The following NRG3 variants were observed in gnomAD, a reference collection of about 807,000 sequenced individuals.
NRG3 encodes pro-neuregulin-3, membrane-bound isoform.
Under a neutral mutation model 66.9 loss-of-function variants are expected in NRG3, and 31 were observed. The observed-to-expected ratio is 0.46, with a 90% CI of 0.35 to 0.63. The LOEUF (loss-of-function observed/expected upper bound fraction) is 0.63. NRG3 is among the 20% of genes least tolerant of loss of function. The pLI, the probability that NRG3 is intolerant of heterozygous loss-of-function variation, is 0.00. For synonymous variants in NRG3, 393 were observed against 359.4 expected (o/e 1.09, Z -1.06); for missense variants, 910 against 878.9 (o/e 1.04, Z -0.45).
chr10:81,999,673 C>T (rs2061086978), intron 1 of NRG3, among the ~76,000 whole-genome samples: 1 of 152,048 alleles, frequency 6.6e-6, no homozygotes, highest in Non-Finnish European at 1.5e-5. Flanking sequence ...AAATCAATTT[C>T]CTTTATGCCT....
chr10:82,211,311 G>C (rs999073215), intron 1 of NRG3, among the ~76,000 whole-genome samples: 3 of 152,098 alleles, frequency 2.0e-5, no homozygotes, highest in African/African-American at 7.2e-5. Context: ...ACAACATTGA[G>C]AATTTTGGTC....
At chr10:82,906,563 T>A (rs982215256) in intron 4 of NRG3, among the ~76,000 whole-genome samples, 1 of 152,170 alleles carries the variant, frequency 6.6e-6, no homozygotes, top group Non-Finnish European at 1.5e-5. Context: ...AAGTTATAAA[T>A]TTTGCCTATT....
intron 1 of NRG3, among the ~76,000 whole-genome samples, chr10:82,187,402 C>T (rs933055854): frequency 1.3e-5 from 2 of 152,102 alleles, no homozygotes; most frequent in Non-Finnish European, 2.9e-5. Context: ...TGATTTTTAA[C>T]AGTTATTTTA....
At chr10:82,354,991 G>A (rs949525093) in intron 1 of NRG3, among the ~76,000 whole-genome samples, 2 of 152,138 alleles carry the variant, frequency 1.3e-5, no homozygotes, top group Non-Finnish European at 2.9e-5. Context: ...TGTTTTGAAG[G>A]CAATAGCTCT....
intron 1 of NRG3, among the ~76,000 whole-genome samples, chr10:82,291,681 A>C (rs2079758154): frequency 6.6e-6 from 1 of 152,200 alleles, no homozygotes; most frequent in African/African-American, 2.4e-5. Context: ...ATTTTTGACA[A>C]AGGCACAAAA....
At chr10:82,939,538 C>T (rs1015992721) in intron 4 of NRG3, among the ~76,000 whole-genome samples, 1 of 152,018 alleles carries the variant, frequency 6.6e-6, no homozygotes, top group Non-Finnish European at 1.5e-5. Context: ...GTGGTGCAAT[C>T]TGCTCACTGC....
intron 1 of NRG3, among the ~76,000 whole-genome samples, chr10:82,150,066 C>T (rs907121303): frequency 6.6e-6 from 1 of 152,028 alleles, no homozygotes; most frequent in African/African-American, 2.4e-5. Context: ...CCTGCTGTTC[C>T]CATCAATCTA....
intron 1 of NRG3, among the ~76,000 whole-genome samples, chr10:82,040,071 T>C (rs1362432078): frequency 6.6e-6 from 1 of 152,120 alleles, no homozygotes; most frequent in African/African-American, 2.4e-5. Context: ...AGAACACTTG[T>C]TCTTTACATT....
intron 2 of NRG3, among the ~76,000 whole-genome samples, chr10:82,731,822 T>C (rs1031080195): frequency 6.6e-6 from 1 of 152,192 alleles, no homozygotes; most frequent in African/African-American, 2.4e-5. Context: ...ATGGTACTTC[T>C]ATTTTAAATT....
At chr10:81,933,645 C>A (rs1462934343) in intron 1 of NRG3, among the ~76,000 whole-genome samples, 3 of 152,102 alleles carry the variant, frequency 2.0e-5, no homozygotes, top group African/African-American at 7.2e-5. Context: ...GTACTCTATA[C>A]AACATATACT....
At chr10:82,568,974 G>A (rs1035615437) in intron 2 of NRG3, among the ~76,000 whole-genome samples, 17 of 151,696 alleles carry the variant, frequency 1.1e-4, no homozygotes, top group Non-Finnish European at 1.9e-4. Flanking sequence ...ATGCCAGTAA[G>A]CCTTCTAACA....
chr10:82,562,748 G>C (rs576459692), intron 2 of NRG3, among the ~76,000 whole-genome samples: 1 of 151,926 alleles, frequency 6.6e-6, no homozygotes, highest in South Asian at 2.1e-4. Context: ...AGTGACGTGG[G>C]GACCTACTGC....
chr10:82,164,722 A>G (rs1275264470), intron 1 of NRG3, among the ~76,000 whole-genome samples: 7 of 152,166 alleles, frequency 4.6e-5, no homozygotes, highest in Non-Finnish European at 8.8e-5. Flanking sequence ...AGTCAAGAAA[A>G]ATGATATTTT....
intron 1 of NRG3, among the ~76,000 whole-genome samples, chr10:82,235,685 C>T (rs1030768368): frequency 2.0e-5 from 3 of 152,142 alleles, no homozygotes; most frequent in African/African-American, 4.8e-5. Flanking sequence ...GTGAATCATA[C>T]GTGTGCATGG....
intron 3 of NRG3, among the ~76,000 whole-genome samples, chr10:82,761,952 C>CT (rs201017499): frequency 0.027 from 3,302 of 123,932 alleles, 157 homozygotes; most frequent in African/African-American, 0.09. Context: ...TTCTTTCTTT[C>CT]TTTCTTTCTT....
At chr10:82,748,535 A>G (rs1451688378) in intron 3 of NRG3, among the ~76,000 whole-genome samples, 1 of 150,966 alleles carries the variant, frequency 6.6e-6, no homozygotes, top group Non-Finnish European at 1.5e-5. Flanking sequence ...AGGATTGCAC[A>G]ATTTTTTCAA....
At chr10:82,669,446 A>G (rs2053076721) in intron 2 of NRG3, among the ~76,000 whole-genome samples, 1 of 151,966 alleles carries the variant, frequency 6.6e-6, no homozygotes, top group Non-Finnish European at 1.5e-5. Context: ...CTTCAGTTCA[A>G]TTTTGCTACC....
At position 82,003,988 on chromosome 10, in the gene NRG3, A is replaced by AACACACACAC. The variant is rs746699197; in HGVS notation, c.823+127863_823+127872dup. Among the ~76,000 whole-genome samples, 954 of 134,384 alleles carry AACACACACAC rather than the reference A, an allele frequency of 7.1e-3. 10 individuals carry two copies. Among genetic ancestry groups the AACACACACAC allele is most frequent in the African/African-American group, 0.024 (851 of 35,454 alleles). The allele number at this position is 134,384 out of a possible 152,430, so 88.2% of individuals were successfully genotyped here. Reference sequence around the variant, plus strand: ...GGTGCTGTAAGGATACCTGACTGAAAACACACACACACACACACACACACA... The same window carrying AACACACACAC: ...GGTGCTGTAAGGATACCTGACTGAAAACACACACACACACACACACACACACACACACACA... On this transcript the variant is annotated intron_variant, in intron 1 of 8. Coordinates refer to ENST00000372141, the MANE Select transcript of NRG3 (RefSeq NM_001010848.4).
chr10:82,699,977 G>T (rs961985622), intron 2 of NRG3, among the ~76,000 whole-genome samples: 2 of 151,998 alleles, frequency 1.3e-5, no homozygotes, highest in African/African-American at 4.8e-5. Context: ...TCAGGAAAAA[G>T]AAAGGTATTC....
Sources: gnomAD v4.1 joint callset for allele counts (sites outside exome capture counted in the v4.1 genomes callset) on GRCh38, gnomAD v4.1.1 for gene constraint, MANE v1.5 for transcripts, NCBI Gene and HGNC (gene_info 2026-07-23, HGNC 2026-07-21) for gene names.